The following SUSD5 variants were observed in gnomAD, a reference collection of about 807,000 sequenced individuals.
SUSD5 encodes the protein sushi domain containing 5.
Under a neutral mutation model 29.5 loss-of-function variants are expected in SUSD5, and 33 were observed. The ratio of observed to expected loss-of-function variants is 1.12; its 90% confidence interval spans 0.85 to 1.49. The LOEUF (loss-of-function observed/expected upper bound fraction) is 1.49, where lower values mean the gene tolerates loss of function less well. Ranked by LOEUF, SUSD5 falls within the 40% of genes most tolerant of loss-of-function variation. The probability of loss-of-function intolerance (pLI) is 0.00; values close to 1 mark genes in which losing one functional copy is unlikely to be tolerated. For missense variants in SUSD5, 776 were observed against 800.6 expected, an observed-to-expected ratio of 0.97 and a Z score of 0.37; for synonymous variants, 308 against 325.3, an observed-to-expected ratio of 0.95 and a Z score of 0.57.
chr3:33,185,445 GTCCACCC>G (rs2031758492), intron 3 of SUSD5, among the ~76,000 whole-genome samples: 1 of 152,180 alleles, frequency 6.6e-6, no homozygotes, highest in Non-Finnish European at 1.5e-5. Context: ...TCACAAACTT[GTCCACCC>G]TGAGCTTCCA....
intron 3 of SUSD5, among the ~76,000 whole-genome samples, chr3:33,177,508 T>C (rs1310684628): frequency 6.6e-6 from 1 of 152,118 alleles, no homozygotes; most frequent in African/African-American, 2.4e-5. Context: ...ATGGTGTTTT[T>C]TGGCTTTTTT....
At chr3:33,173,285 T>C (rs1478956994) in intron 4 of SUSD5, among the ~76,000 whole-genome samples, 1 of 152,220 alleles carries the variant, frequency 6.6e-6, no homozygotes, top group African/African-American at 2.4e-5. Context: ...GAGAGCAGAC[T>C]GGGCAAATAC....
chr3:33,151,100 C>T lies in SUSD5; in HGVS notation c.*1642G>A, dbSNP rs34814776. On this transcript the variant is annotated 3_prime_UTR_variant, in exon 5 of 5. Coordinates refer to ENST00000309558, the MANE Select transcript of SUSD5 (RefSeq NM_015551.2). ...CACATACTCATCTGTGCCTTTAGGG[C>T]TTCAGCTGGCCTCGAAGTTCACATT... 37,792 of 152,116 alleles carry T rather than the reference C, an allele frequency of 0.25. 5,621 individuals carry two copies. Among genetic ancestry groups the T allele is most frequent in the East Asian group, 0.55 (2,867 of 5,168 alleles). The allele number at this position is 152,116 out of a possible 1,614,324, so 9.4% of individuals were successfully genotyped here.
At chr3:33,207,742 C>G in intron 3 of SUSD5, 66 bp downstream of exon 3, 1 of 1,085,052 alleles carries the variant, frequency 9.2e-7, no homozygotes, top group Non-Finnish European at 1.3e-6. Flanking sequence ...TCTAGAGAAA[C>G]CAACCTCATA....
intron 2 of SUSD5, among the ~76,000 whole-genome samples, chr3:33,209,752 A>C (rs1361928499): frequency 6.6e-6 from 1 of 150,870 alleles, no homozygotes; most frequent in Non-Finnish European, 1.5e-5. Flanking sequence ...GGCTCAAGTG[A>C]TCCTCCTGCC....
intron 4 of SUSD5, among the ~76,000 whole-genome samples, chr3:33,172,656 T>C (rs191791577): frequency 0.015 from 2,322 of 152,350 alleles, 30 homozygotes; most frequent in Non-Finnish European, 0.023. Context: ...TTCTAGAACA[T>C]TGCTCAAACT....
intron 3 of SUSD5, among the ~76,000 whole-genome samples, chr3:33,194,402 A>G (rs2031955628): frequency 6.6e-6 from 1 of 152,172 alleles, no homozygotes; most frequent in South Asian, 2.1e-4. Context: ...GGCAAGAGGA[A>G]CCCACTGGCT....
intron 3 of SUSD5, among the ~76,000 whole-genome samples, chr3:33,179,263 C>T (rs1424547815): frequency 2.0e-5 from 3 of 151,962 alleles, no homozygotes; most frequent in African/African-American, 7.2e-5. Flanking sequence ...GATGTCCCCT[C>T]TTTTTTTTAA....
At chr3:33,170,234 T>C (rs1293961767) in intron 4 of SUSD5, among the ~76,000 whole-genome samples, 1 of 152,184 alleles carries the variant, frequency 6.6e-6, no homozygotes, top group Non-Finnish European at 1.5e-5. Flanking sequence ...AGGACTTTTC[T>C]GTAATTAGGG....
intron 4 of SUSD5, among the ~76,000 whole-genome samples, chr3:33,156,673 T>C (rs552236163): frequency 2.6e-5 from 4 of 152,288 alleles, no homozygotes; most frequent in African/African-American, 9.6e-5. Flanking sequence ...TGCACAGAGC[T>C]CCAGAGCCAA....
intron 4 of SUSD5, among the ~76,000 whole-genome samples, chr3:33,156,672 C>T (rs1449492153): frequency 6.6e-6 from 1 of 152,228 alleles, no homozygotes; most frequent in Admixed American, 6.5e-5. Context: ...ATGCACAGAG[C>T]TCCAGAGCCA....
intron 4 of SUSD5, among the ~76,000 whole-genome samples, chr3:33,168,797 G>A (rs2031361111): frequency 6.6e-6 from 1 of 152,190 alleles, no homozygotes; most frequent in African/African-American, 2.4e-5. Context: ...CTACAGGCAT[G>A]TGCCACCACA....
At chr3:33,218,583 G>T (rs1388134022) in intron 1 of SUSD5, 103 bp downstream of exon 1, 2 of 1,059,522 alleles carry the variant, frequency 1.9e-6, no homozygotes, top group East Asian at 3.3e-5. Context: ...GCTTGCGCTT[G>T]CCGCTTGCCG....
intron 3 of SUSD5, among the ~76,000 whole-genome samples, chr3:33,202,360 T>G (rs930920073): frequency 1.3e-5 from 2 of 152,194 alleles, no homozygotes; most frequent in East Asian, 3.8e-4. Context: ...AATTAGCTAC[T>G]CTCAAAAATT....
chr3:33,212,257 A>G (rs2032336599), intron 2 of SUSD5, among the ~76,000 whole-genome samples: 1 of 152,228 alleles, frequency 6.6e-6, no homozygotes, highest in South Asian at 2.1e-4. Context: ...TAGGCCAGGC[A>G]TGGTGGCTCA....
intron 1 of SUSD5, among the ~76,000 whole-genome samples, chr3:33,215,156 T>G (rs2032405705): frequency 6.6e-6 from 1 of 151,870 alleles, no homozygotes. Flanking sequence ...TACATTTAAC[T>G]ACAAAAAGGT....
At chr3:33,198,266 CA>C (rs2032034031) in intron 3 of SUSD5, among the ~76,000 whole-genome samples, 1 of 152,172 alleles carries the variant, frequency 6.6e-6, no homozygotes, top group Admixed American at 6.5e-5. Flanking sequence ...GTCCTCTTGA[CA>C]AATCTATGTC....
chr3:33,204,078 TAA>T lies in SUSD5; in HGVS notation c.409+3728_409+3729del, dbSNP rs2032168865. Among the ~76,000 whole-genome samples the T allele has an allele frequency of 6.6e-6, 1 of 151,928 alleles. No homozygotes were observed. The highest frequency in any genetic ancestry group is 1.5e-5 in the Non-Finnish European group (1 of 67,964). ...TACAGGGTGCGCCACCATGCCTGGCTAATTTTTTTTATTTTTTGAAGAGATGG... is the reference window on the plus strand; with the variant it reads ...TACAGGGTGCGCCACCATGCCTGGCTTTTTTTTTATTTTTTGAAGAGATGG... On this transcript the variant is annotated intron_variant, in intron 3 of 4. Coordinates refer to ENST00000309558, the MANE Select transcript of SUSD5 (RefSeq NM_015551.2). The surrounding 1 kb of genome is among the most constrained non-coding windows in gnomAD (Gnocchi z 4.5).
intron 4 of SUSD5, among the ~76,000 whole-genome samples, chr3:33,166,738 T>C (rs565256783): frequency 6.6e-6 from 1 of 152,330 alleles, no homozygotes; most frequent in Non-Finnish European, 1.5e-5. Flanking sequence ...GGGTGTGAAT[T>C]ACAGTTTTTA....
Sources: gnomAD v4.1 joint callset for allele counts (sites outside exome capture counted in the v4.1 genomes callset) on GRCh38, gnomAD v4.1.1 for gene constraint, Gnocchi (gnomAD v3.1) non-coding constraint, MANE v1.5 for transcripts, NCBI Gene and HGNC (gene_info 2026-07-23, HGNC 2026-07-21) for gene names.